Variants in TNFSF4 observed in about 807,000 individuals in gnomAD.
TNFSF4 encodes the protein TNF superfamily member 4, also known as tumor necrosis factor ligand superfamily member 4.
Under a neutral mutation model 7.3 loss-of-function variants are expected in TNFSF4, and 4 were observed. The observed-to-expected ratio is 0.55, with a 90% CI of 0.27 to 1.25. TNFSF4 has a LOEUF of 1.25. TNFSF4 is among the 50% of genes most tolerant of loss of function. TNFSF4 has a pLI of 0.12. For missense variants in TNFSF4, 181 were observed against 208.8 expected (o/e 0.87, Z 0.82); for synonymous variants, 76 against 83.7 (o/e 0.91, Z 0.50).
At chr1:173,434,138 T>A in the TNFSF4 span, among the ~76,000 whole-genome samples, 1 of 152,240 alleles carries the variant, frequency 6.6e-6, no homozygotes, top group Non-Finnish European at 1.5e-5. Flanking sequence ...ACCAGAATCA[T>A]AAGACACACT....
At chr1:173,211,075 G>A (rs1650360341), upstream of TNFSF4, among the ~76,000 whole-genome samples, 1 of 152,200 alleles carries the variant, frequency 6.6e-6, no homozygotes, top group Admixed American at 6.5e-5. Context: ...TGATTCAAGT[G>A]AGAAATAAGG....
At chr1:173,266,479 C>T in the TNFSF4 span, among the ~76,000 whole-genome samples, 17 of 152,192 alleles carry the variant, frequency 1.1e-4, no homozygotes, top group Admixed American at 2.0e-4. Context: ...GAATCAGCCC[C>T]CAACAAATTA....
the TNFSF4 span, among the ~76,000 whole-genome samples, chr1:173,420,022 G>T: frequency 6.6e-6 from 1 of 151,944 alleles, no homozygotes. Context: ...TGCATTTAAC[G>T]CATGTTTATT....
the TNFSF4 span, among the ~76,000 whole-genome samples, chr1:173,308,163 T>G: frequency 6.6e-6 from 1 of 151,964 alleles, no homozygotes; most frequent in African/African-American, 2.4e-5. Flanking sequence ...GATTAGCCTT[T>G]AAGTCTTATA....
At chr1:173,432,156 C>A in the TNFSF4 span, among the ~76,000 whole-genome samples, 1 of 152,134 alleles carries the variant, frequency 6.6e-6, no homozygotes, top group Admixed American at 6.5e-5. Context: ...ATGCTATAAA[C>A]AGGTGATAAA....
intron 1 of TNFSF4, among the ~76,000 whole-genome samples, chr1:173,191,296 G>A (rs1649466603): frequency 6.6e-6 from 1 of 152,164 alleles, no homozygotes; most frequent in South Asian, 2.1e-4. Context: ...TGACCTACTG[G>A]AACTCCAGAC....
the TNFSF4 span, among the ~76,000 whole-genome samples, chr1:173,271,786 G>A: frequency 6.6e-6 from 1 of 152,290 alleles, no homozygotes; most frequent in East Asian, 1.9e-4. Flanking sequence ...GGAAGACAGT[G>A]TGGCGATTCC....
chr1:173,371,429 G>A, the TNFSF4 span, among the ~76,000 whole-genome samples: 1 of 152,118 alleles, frequency 6.6e-6, no homozygotes, highest in Non-Finnish European at 1.5e-5. Context: ...CTTGAGGAGG[G>A]AATCAACCCT....
the TNFSF4 span, among the ~76,000 whole-genome samples, chr1:173,214,740 G>A: frequency 6.6e-6 from 1 of 152,184 alleles, no homozygotes; most frequent in Non-Finnish European, 1.5e-5. Context: ...ATTGATGAAT[G>A]GGAGTACATC....
chr1:173,265,592 C>T, the TNFSF4 span, among the ~76,000 whole-genome samples: 1 of 151,964 alleles, frequency 6.6e-6, no homozygotes, highest in Non-Finnish European at 1.5e-5. Flanking sequence ...TTTTTTGGTC[C>T]CTTCAGCAAT....
chr1:173,347,902 T>C, the TNFSF4 span, among the ~76,000 whole-genome samples: 3 of 152,172 alleles, frequency 2.0e-5, no homozygotes, highest in African/African-American at 7.2e-5. Context: ...TTCTTTCAAG[T>C]GTGACAACCA....
At chr1:173,292,965 C>A in the TNFSF4 span, among the ~76,000 whole-genome samples, 3 of 151,954 alleles carry the variant, frequency 2.0e-5, no homozygotes, top group Non-Finnish European at 4.4e-5. Context: ...ATGAGAATTA[C>A]AAAATACTGC....
chr1:173,363,539 A>G, the TNFSF4 span: 1 of 486,222 alleles, frequency 2.1e-6, no homozygotes. Context: ...TTAAGAGCAC[A>G]AAATATAGCT....
At chr1:173,350,491 T>G in the TNFSF4 span, among the ~76,000 whole-genome samples, 1 of 152,196 alleles carries the variant, frequency 6.6e-6, no homozygotes, top group Non-Finnish European at 1.5e-5. Context: ...TATTCCCCAG[T>G]TTCATTCTGA....
the TNFSF4 span, among the ~76,000 whole-genome samples, chr1:173,274,153 A>ACACACACACACACT: frequency 4.6e-5 from 7 of 151,062 alleles, no homozygotes; most frequent in Non-Finnish European, 4.4e-5. Flanking sequence ...ACACACACAC[A>ACACACACACACACT]CTCTGTATAT....
At chr1:173,322,837 G>A in the TNFSF4 span, among the ~76,000 whole-genome samples, 1 of 152,200 alleles carries the variant, frequency 6.6e-6, no homozygotes, top group East Asian at 1.9e-4. Flanking sequence ...CGAGGCTTGG[G>A]GAGGGGCGCC....
the TNFSF4 span, among the ~76,000 whole-genome samples, chr1:173,241,969 C>G: frequency 2.0e-5 from 3 of 152,314 alleles, no homozygotes; most frequent in East Asian, 5.8e-4. Context: ...GGGGAACTTA[C>G]AGCCAGGCCT....
chr1:173,315,122 T>C, the TNFSF4 span, among the ~76,000 whole-genome samples: 1 of 152,172 alleles, frequency 6.6e-6, no homozygotes. Context: ...ATTTTTTACG[T>C]GTGACCTAAG....
chr1:173,442,663 G>A, the TNFSF4 span, among the ~76,000 whole-genome samples: 5 of 146,792 alleles, frequency 3.4e-5, no homozygotes, highest in Non-Finnish European at 7.4e-5. Context: ...TGATTCTCCT[G>A]CCTCAGCCTC....
Sources: gnomAD v4.1 joint callset for allele counts (sites outside exome capture counted in the v4.1 genomes callset) on GRCh38, gnomAD v4.1.1 for gene constraint, MANE v1.5 for transcripts, NCBI Gene and HGNC (gene_info 2026-07-23, HGNC 2026-07-21) for gene names.